BEND2: variants seen among roughly 807,000 people sequenced by gnomAD.
BEND2 encodes the protein BEN domain-containing protein 2.
Under a neutral mutation model 43.8 loss-of-function variants are expected in BEND2, and 19 were observed. That is an observed-to-expected ratio of 0.43 (90% confidence interval 0.30 to 0.64). The LOEUF (loss-of-function observed/expected upper bound fraction) is 0.64. Ranked by LOEUF, BEND2 falls within the 30% of genes least tolerant of loss-of-function variation. The pLI is 0.11. For missense variants in BEND2, 544 were observed against 574.0 expected, an observed-to-expected ratio of 0.95 and a Z score of 0.53; for synonymous variants, 226 against 210.1, an observed-to-expected ratio of 1.08 and a Z score of -0.66.
At chrX:18,184,504 C>T (rs1043242191) in intron 8 of BEND2, among the ~76,000 whole-genome samples, 1 of 111,566 alleles carries the variant, frequency 9.0e-6, no homozygotes, top group African/African-American at 3.3e-5. Context: ...AGAGTCTCTG[C>T]CTGGTAATCC....
At chrX:18,214,810 C>CAAAAAA (rs58814498) in intron 2 of BEND2, among the ~76,000 whole-genome samples, 3 of 35,436 alleles carry the variant, frequency 8.5e-5, no homozygotes, top group Admixed American at 5.2e-4. Context: ...GACTCTGTCT[C>CAAAAAA]AAAAAAAAAA....
intron 6 of BEND2, among the ~76,000 whole-genome samples, chrX:18,196,275 G>C (rs902268497): frequency 1.5e-4 from 16 of 106,790 alleles, no homozygotes; most frequent in Non-Finnish European, 3.1e-4. Flanking sequence ...CTCCAGCCTG[G>C]ATGACAGAGC....
rs187279147 is a variant in BEND2, at chrX:18,180,666, T to C, written c.1289-16A>G. ...GGTAACAGTGCTGAAAGAAAAGAAC[T>C]CTCAACTGACAATTCTATATCCAGC... On this transcript the variant is annotated splice_polypyrimidine_tract_variant and intron_variant, in intron 8 of 13. Coordinates refer to ENST00000380033, the MANE Select transcript of BEND2 (RefSeq NM_153346.5). 4.1e-3 allele frequency: 4,797 copies of C among 1,156,032 alleles called. 9 individuals carry two copies. Among genetic ancestry groups the C allele is most frequent in the Non-Finnish European group, 5.1e-3 (4,361 of 847,220 alleles).
At chrX:18,177,066 T>A (rs1320442565) in intron 10 of BEND2, among the ~76,000 whole-genome samples, 1 of 110,508 alleles carries the variant, frequency 9.0e-6, no homozygotes, top group Non-Finnish European at 1.9e-5. Flanking sequence ...GCAGAAACAC[T>A]TATTCATTGT....
chrX:18,176,205 G>A lies in BEND2; in HGVS notation c.1631-112C>T, dbSNP rs1924147233. The A allele has an allele frequency of 5.0e-6, 3 of 598,257 alleles. No homozygotes were observed. In the Admixed American group the frequency reaches 1.3e-4, roughly 27 times the overall value. 49.3% of individuals were successfully genotyped at this position (598,257 alleles called of 1,213,427 possible). ...AGATGGTTACATTGTGTAATGGTGA[G>A]CACTCTGGTGACTTCTTCTCTTTCT... On this transcript the variant is annotated intron_variant, in intron 10 of 13. Coordinates refer to ENST00000380033, the MANE Select transcript of BEND2 (RefSeq NM_153346.5).
intron 8 of BEND2, among the ~76,000 whole-genome samples, chrX:18,190,766 T>TCTCTCACACA (rs1439593746): frequency 8.1e-4 from 75 of 93,008 alleles, no homozygotes; most frequent in Middle Eastern, 6.0e-3. Context: ...TCTCTCTCTC[T>TCTCTCACACA]CACACACACA....
At chrX:18,181,212 T>A (rs1221361149) in intron 8 of BEND2, among the ~76,000 whole-genome samples, 1 of 111,943 alleles carries the variant, frequency 8.9e-6, no homozygotes, top group African/African-American at 3.2e-5. Context: ...ACAATTACTA[T>A]CATTGTAATT....
intron 7 of BEND2, among the ~76,000 whole-genome samples, chrX:18,194,923 T>C (rs1924887855): frequency 1.8e-5 from 2 of 109,128 alleles, no homozygotes; most frequent in South Asian, 8.0e-4. Flanking sequence ...ACCTTGACTG[T>C]GGTGGTGGGC....
chrX:18,195,302 T>C lies in BEND2; in HGVS notation c.1174A>G (p.Asn392Asp). Residue 392 changes from asparagine to aspartate, a missense_variant, in exon 7 of 14, where the codon AAT (asparagine) becomes GAT (aspartate). By Grantham distance (23) the Asn-to-Asp change is conservative. Around this residue, in one of 2 missense-constraint regions of BEND2, gnomAD observed 501 missense variants for 501.6 expected, o/e 1.00. Coordinates refer to ENST00000380033, the MANE Select transcript of BEND2 (RefSeq NM_153346.5). Reference sequence around the variant, plus strand: ...TCCATTATTTCAAACTCACCAAAATTAGAAGTGATGGGAAGATATGAAGAG... The same window carrying C: ...TCCATTATTTCAAACTCACCAAAATCAGAAGTGATGGGAAGATATGAAGAG... The part of the protein sequence containing the change: ...PASSYLPITS[N>D]FESGPQMSYG... 1 of 1,203,898 alleles carries C rather than the reference T, an allele frequency of 8.3e-7. No homozygotes were observed. The highest frequency in any genetic ancestry group is 1.1e-6 in the Non-Finnish European group (1 of 892,747).
At chrX:18,190,780 ACACACACACACT>A (rs1368311911) in intron 8 of BEND2, among the ~76,000 whole-genome samples, 3 of 109,945 alleles carry the variant, frequency 2.7e-5, no homozygotes, top group Non-Finnish European at 3.8e-5. Flanking sequence ...ACACACACAC[ACACACACACACT>A]CACACACAAA....
At chrX:18,177,094 T>C (rs770231238) in intron 10 of BEND2, among the ~76,000 whole-genome samples, 264 of 110,214 alleles carry the variant, frequency 2.4e-3, no homozygotes, top group African/African-American at 8.5e-3. Flanking sequence ...TTAGTATCCA[T>C]GAGTTCTAGG....
chrX:18,196,916 C>A (rs908669124), intron 6 of BEND2, among the ~76,000 whole-genome samples: 1 of 110,801 alleles, frequency 9.0e-6, no homozygotes, highest in Non-Finnish European at 1.9e-5. Context: ...CAAACCTATT[C>A]GTGGAAGAAA....
intron 6 of BEND2, among the ~76,000 whole-genome samples, chrX:18,196,127 C>T (rs751179877): frequency 1.5e-4 from 16 of 109,839 alleles, no homozygotes; most frequent in African/African-American, 5.0e-4. Flanking sequence ...GGCGAAACCC[C>T]GTTTCTACTA....
In BEND2 at chrX:18,176,065, A is replaced by G; in HGVS notation, c.1659T>C (p.Cys553=). The part of the protein sequence containing the change: ...REYLATTFPT[C]DLHEHGKDWQ... ...AGTCTTTTCCATGTTCATGCAAATC[A>G]CAGGTGGGAAAAGTTGTTGCCAGAT... Residue 553 remains cysteine, a synonymous_variant, in exon 11 of 14, where the codon TGT becomes TGC. Transcript: ENST00000380033. The G allele has an allele frequency of 8.3e-7, 1 of 1,200,053 alleles. No individual in the cohort carries two copies. The highest frequency in any genetic ancestry group is 1.1e-6 in the Non-Finnish European group (1 of 890,689).
intron 1 of BEND2, among the ~76,000 whole-genome samples, chrX:18,216,986 A>G (rs1472150022): frequency 8.9e-6 from 1 of 112,542 alleles, no homozygotes; most frequent in East Asian, 2.8e-4. Context: ...AATTTCGTAG[A>G]GCAATAAATT....
chrX:18,164,547 A>G lies in BEND2; in HGVS notation c.*462T>C, dbSNP rs1923772714. The G allele has an allele frequency of 8.9e-6, 1 of 112,877 alleles. No individual in the cohort carries two copies. The highest frequency in any genetic ancestry group is 3.2e-5 in the African/African-American group (1 of 30,913). The allele number at this position is 112,877 out of a possible 1,213,427, so 9.3% of individuals were successfully genotyped here. On this transcript the variant is annotated 3_prime_UTR_variant, in exon 14 of 14. Coordinates refer to ENST00000380033, the MANE Select transcript of BEND2 (RefSeq NM_153346.5). The stretch of plus-strand genomic sequence containing the variant: ...CTAAAAGTTGAATTTTGAAAAGATA[A>G]CTTTGAAAATATGTATTCATTCTAC...
At chrX:18,178,324 C>G (rs1446810810) in intron 9 of BEND2, among the ~76,000 whole-genome samples, 2 of 111,557 alleles carry the variant, frequency 1.8e-5, no homozygotes, top group Non-Finnish European at 3.8e-5. Flanking sequence ...ACAACTCTAT[C>G]ATTACTCCCA....
chrX:18,177,423 A>G (rs1394489609), intron 10 of BEND2, 146 bp downstream of exon 10: 2 of 595,844 alleles, frequency 3.4e-6, no homozygotes, highest in African/African-American at 4.6e-5. Context: ...ATTAAGTTGT[A>G]AAATCAGGGT....
chrX:18,180,716 GGAAA>G, intron 8 of BEND2, 66 bp from the exon 9 acceptor site: 2 of 817,838 alleles, frequency 2.4e-6, no homozygotes, highest in Non-Finnish European at 3.6e-6. Flanking sequence ...GGTACAGAGG[GGAAA>G]TACACTCTCA....
Sources: allele counts gnomAD v4.1 joint callset (sites outside exome capture counted in the v4.1 genomes callset), GRCh38; gene constraint gnomAD v4.1.1; regional missense constraint gnomAD v4.1.1; transcripts MANE v1.5; gene names NCBI Gene and HGNC (gene_info 2026-07-23, HGNC 2026-07-21).